Variants in DCC observed in about 807,000 individuals in gnomAD.
The protein encoded by DCC is DCC netrin 1 receptor.
In DCC, 58 loss-of-function variants were observed where a neutral mutation model predicts 172.5. The ratio of observed to expected loss-of-function variants is 0.34; its 90% confidence interval spans 0.27 to 0.42. The LOEUF is 0.42. Ranked by LOEUF, DCC falls within the 10% of genes least tolerant of loss-of-function variation. The probability of loss-of-function intolerance (pLI) is 1.00; values close to 1 mark genes in which losing one functional copy is unlikely to be tolerated. For synonymous variants in DCC, 709 were observed against 644.5 expected (o/e 1.10, Z -1.52); for missense variants, 1,740 against 1,791.0 (o/e 0.97, Z 0.51).
intron 7 of DCC, among the ~76,000 whole-genome samples, chr18:53,092,903 A>G (rs1021695279): frequency 1.3e-5 from 2 of 152,170 alleles, no homozygotes; most frequent in Non-Finnish European, 2.9e-5. Flanking sequence ...GGCAATTTTA[A>G]TGCTAGCAAC....
intron 1 of DCC, among the ~76,000 whole-genome samples, chr18:52,399,815 C>T (rs1986368313): frequency 6.6e-6 from 1 of 151,916 alleles, no homozygotes; most frequent in Admixed American, 6.6e-5. Flanking sequence ...GAGTGAGAAC[C>T]TGTCTTATTC....
At chr18:52,611,826 C>T (rs568173593) in intron 1 of DCC, among the ~76,000 whole-genome samples, 101 of 152,194 alleles carry the variant, frequency 6.6e-4, no homozygotes, top group African/African-American at 2.4e-3. Flanking sequence ...AATGGGTACT[C>T]AGAAATGGTA....
At chr18:53,194,701 C>G (rs1013622507) in intron 9 of DCC, among the ~76,000 whole-genome samples, 3 of 152,132 alleles carry the variant, frequency 2.0e-5, no homozygotes, top group Admixed American at 6.5e-5. Flanking sequence ...AATTCCTGAC[C>G]TCAGGTGATC....
intron 5 of DCC, among the ~76,000 whole-genome samples, chr18:52,965,952 C>T (rs1013821996): frequency 6.6e-6 from 1 of 152,170 alleles, no homozygotes; most frequent in Admixed American, 6.5e-5. Flanking sequence ...GAAACATTTT[C>T]TCAGTACATT....
At chr18:52,578,599 C>A (rs1272485448) in intron 1 of DCC, among the ~76,000 whole-genome samples, 2 of 152,114 alleles carry the variant, frequency 1.3e-5, no homozygotes, top group Non-Finnish European at 2.9e-5. Flanking sequence ...TATTTTTTCA[C>A]TTTCTTTCTT....
chr18:52,838,553 CGAT>C (rs1045489805), intron 2 of DCC, among the ~76,000 whole-genome samples: 13 of 151,974 alleles, frequency 8.6e-5, no homozygotes, highest in African/African-American at 3.1e-4. Context: ...GGTAAGAAAT[CGAT>C]TATTATTCTA....
At chr18:53,152,920 A>G (rs953764173) in intron 7 of DCC, among the ~76,000 whole-genome samples, 6 of 152,206 alleles carry the variant, frequency 3.9e-5, no homozygotes, top group East Asian at 3.8e-4. Context: ...GATTAATTCT[A>G]TGCTGAGCTT....
intron 5 of DCC, among the ~76,000 whole-genome samples, chr18:53,061,650 A>C (rs2042497321): frequency 6.6e-6 from 1 of 152,134 alleles, no homozygotes; most frequent in Non-Finnish European, 1.5e-5. Flanking sequence ...CAGAAGTTTC[A>C]AGTGGCAAAA....
At chr18:52,758,775 T>C (rs1486576911) in intron 2 of DCC, 1 of 152,136 alleles carries the variant, frequency 6.6e-6, no homozygotes, top group Non-Finnish European at 1.5e-5. Context: ...TTTATATTCC[T>C]TCTCTCTACA....
At position 52,788,950 on chromosome 18, in the gene DCC, C is replaced by G. The variant is rs181534401; in HGVS notation, c.412+36576C>G. On this transcript the variant is annotated intron_variant, in intron 2 of 28. Coordinates refer to ENST00000442544, the MANE Select transcript of DCC (RefSeq NM_005215.4). ...CATTCAGCTTATTTTGTAATCAGCC[C>G]AACCCCCACATGATTCTTATCTCTT... is the stretch of plus-strand genomic sequence containing the variant. 3.3e-3 allele frequency among the ~76,000 whole-genome samples: 498 copies of G among 152,260 alleles called. 1 individual carries two copies. The highest frequency in any genetic ancestry group is 5.3e-3 in the Non-Finnish European group (363 of 68,008).
chr18:52,818,981 TAACAC>T (rs1389223172), intron 2 of DCC, among the ~76,000 whole-genome samples: 5 of 152,226 alleles, frequency 3.3e-5, no homozygotes, highest in Admixed American at 6.5e-5. Flanking sequence ...GCTTGTGACT[TAACAC>T]TACGGAGTTA....
chr18:52,617,929 T>C (rs1393150964), intron 1 of DCC, among the ~76,000 whole-genome samples: 3 of 152,180 alleles, frequency 2.0e-5, no homozygotes, highest in Non-Finnish European at 2.9e-5. Flanking sequence ...CATGTCTATA[T>C]AGCCTAAGGC....
At chr18:52,866,391 A>C (rs2145371343) in intron 2 of DCC, among the ~76,000 whole-genome samples, 1 of 152,282 alleles carries the variant, frequency 6.6e-6, no homozygotes. Flanking sequence ...TTTTGGTTCC[A>C]TATGAAATAT....
chr18:52,367,745 T>A (rs1460681387), intron 1 of DCC, among the ~76,000 whole-genome samples: 4 of 152,200 alleles, frequency 2.6e-5, no homozygotes, highest in Non-Finnish European at 4.4e-5. Context: ...GTGCAGAGAA[T>A]CTGAAGCAGT....
intron 5 of DCC, among the ~76,000 whole-genome samples, chr18:52,969,834 A>G (rs2041000580): frequency 6.6e-6 from 1 of 152,160 alleles, no homozygotes; most frequent in Admixed American, 6.6e-5. Flanking sequence ...TAAAGAAGAC[A>G]TATGACTGGT....
chr18:52,356,119 T>G (rs1984352826), intron 1 of DCC, among the ~76,000 whole-genome samples: 2 of 152,196 alleles, frequency 1.3e-5, no homozygotes, highest in South Asian at 4.1e-4. Flanking sequence ...CAAGGTCATC[T>G]GAGAAGTAAC....
chr18:52,992,457 T>A (rs2041408743), intron 5 of DCC, among the ~76,000 whole-genome samples: 1 of 152,190 alleles, frequency 6.6e-6, no homozygotes, highest in African/African-American at 2.4e-5. Context: ...GGGATATTTG[T>A]ATAAGTGACC....
At chr18:52,340,990 G>C in intron 1 of DCC, 112 bp downstream of exon 1, 1 of 877,388 alleles carries the variant, frequency 1.1e-6, no homozygotes, top group Non-Finnish European at 1.9e-6. Flanking sequence ...GAGATTTGGC[G>C]CTTGCGCTGC....
chr18:52,724,862 C>T (rs1422380276), intron 1 of DCC, among the ~76,000 whole-genome samples: 3 of 152,204 alleles, frequency 2.0e-5, no homozygotes, highest in Admixed American at 2.0e-4. Context: ...GAGTCTTGGT[C>T]TTCACTACTA....
Sources: gnomAD v4.1 joint callset for allele counts (sites outside exome capture counted in the v4.1 genomes callset) on GRCh38, gnomAD v4.1.1 for gene constraint, MANE v1.5 for transcripts, NCBI Gene and HGNC (gene_info 2026-07-23, HGNC 2026-07-21) for gene names.